The following CIAO2A variants were observed in gnomAD, a reference collection of about 807,000 sequenced individuals.
CIAO2A encodes cytosolic iron-sulfur assembly component 2A.
CIAO2A carries 17 observed loss-of-function variants against 22.4 expected under a neutral mutation model. That is an observed-to-expected ratio of 0.76 (90% CI 0.52 to 1.14). The LOEUF (loss-of-function observed/expected upper bound fraction) is 1.14. CIAO2A is among the 50% of genes most tolerant of loss of function. The pLI is 0.00. For synonymous variants in CIAO2A, 74 were observed against 72.3 expected (o/e 1.02, Z -0.12); for missense variants, 192 against 191.4 (o/e 1.00, Z -0.02).
intron 1 of CIAO2A, 111 bp downstream of exon 1, chr15:64,093,532 AAC>A: frequency 3.1e-6 from 4 of 1,270,726 alleles, no homozygotes; most frequent in African/African-American, 3.0e-5. Context: ...CAAACAAACA[AAC>A]AAAAAAAAAG....
rs754609426 is a variant in CIAO2A at position 64,088,787 on chromosome 15, C to A, written c.189G>T (p.Ser63=). 5.0e-6 allele frequency: 8 copies of A among 1,614,034 alleles called. No homozygotes were observed. Among genetic ancestry groups the A allele is most frequent in the Non-Finnish European group, 5.1e-6 (6 of 1,179,980 alleles). Residue 63 remains serine, a synonymous_variant, in exon 2 of 5, where the codon TCG becomes TCT. Coordinates refer to ENST00000300030, the MANE Select transcript of CIAO2A (RefSeq NM_032231.7). The part of the protein sequence containing the change: ...PNTLEELEVV[S]ESCVEVQEIN... ...TCTCCTGAACTTCCACACAACTTTC[C>A]GAGACCACTTCCAGTTCTTCTAAAG...
chr15:64,090,800 A>C (rs2080834587), intron 1 of CIAO2A, among the ~76,000 whole-genome samples: 1 of 152,228 alleles, frequency 6.6e-6, no homozygotes, highest in African/African-American at 2.4e-5. Flanking sequence ...ATGACTTTAT[A>C]AGGAAGCTAG....
At chr15:64,090,624 A>C (rs1238695337) in intron 1 of CIAO2A, among the ~76,000 whole-genome samples, 1 of 152,242 alleles carries the variant, frequency 6.6e-6, no homozygotes, top group African/African-American at 2.4e-5. Flanking sequence ...ATTCAGGCTC[A>C]TGAGAGCTAA....
chr15:64,077,450 G>A (rs1388942552), intron 3 of CIAO2A, among the ~76,000 whole-genome samples: 1 of 152,148 alleles, frequency 6.6e-6, no homozygotes, highest in Admixed American at 6.5e-5. Flanking sequence ...GTGATAAAGG[G>A]GAAAAGGCAG....
chr15:64,075,230 C>A lies in CIAO2A; in HGVS notation c.385+262G>T, dbSNP rs114644556. ...ACTTAGAGCTCATAAGTCAAGGTCC[C>A]CAGCACTGGATATTCTTTACAGATG... is the stretch of plus-strand genomic sequence containing the variant. On this transcript the variant is annotated intron_variant, in intron 4 of 4. Transcript: ENST00000300030. The A allele has an allele frequency of 4.3e-3, 1,285 of 298,934 alleles. 18 individuals are homozygous for A. Among genetic ancestry groups the A allele is most frequent in the African/African-American group, 0.027 (1,212 of 45,348 alleles). 18.5% of individuals were successfully genotyped at this position (298,934 alleles called of 1,614,324 possible). A position where few individuals can be genotyped will look rare whatever the true frequency, so the allele number is the denominator to read the frequency against.
At chr15:64,082,803 C>T (rs1280190706) in intron 2 of CIAO2A, among the ~76,000 whole-genome samples, 1 of 152,168 alleles carries the variant, frequency 6.6e-6, no homozygotes, top group Non-Finnish European at 1.5e-5. Context: ...TACAGCATAA[C>T]TGAGATACTT....
chr15:64,091,295 G>A lies in CIAO2A; in HGVS notation c.124+2350C>T, dbSNP rs1366709368. On this transcript the variant is annotated intron_variant, in intron 1 of 4. Coordinates refer to ENST00000300030, the MANE Select transcript of CIAO2A (RefSeq NM_032231.7). ...AGTTCAGGAGTTCAAGACCAGCCTG[G>A]CCAACATGGCAAAAACCCGTCTCTA... Among the ~76,000 whole-genome samples the A allele has an allele frequency of 2.0e-5, 3 of 152,044 alleles. No individual in the cohort carries two copies. The South Asian group carries it at 6.2e-4, about 32-fold the overall frequency.
At position 64,072,877 on chromosome 15, in the gene CIAO2A, G is replaced by T. The variant is rs182853469; in HGVS notation, c.*54C>A. On this transcript the variant is annotated 3_prime_UTR_variant, in exon 5 of 5. Coordinates refer to ENST00000300030, the MANE Select transcript of CIAO2A (RefSeq NM_032231.7). ...ACATGAGTCTCTGACATTATACAAA[G>T]AGTTTAAACAAATATATCAAACAAT... 21 of 1,170,822 alleles carry T rather than the reference G, an allele frequency of 1.8e-5. No individual in the cohort carries two copies. The Admixed American group carries it at 3.3e-4, about 18-fold the overall frequency. 72.5% of individuals were successfully genotyped at this position (1,170,822 alleles called of 1,614,324 possible).
intron 1 of CIAO2A, among the ~76,000 whole-genome samples, chr15:64,092,063 CAAAAAAA>C (rs35475525): frequency 2.1e-3 from 131 of 63,726 alleles, no homozygotes; most frequent in African/African-American, 6.6e-3. Context: ...GACCCTGTCT[CAAAAAAA>C]AAAAAAAAAA....
chr15:64,081,535 C>CT lies in CIAO2A; in HGVS notation c.290-385dup, dbSNP rs1216160284. Among the ~76,000 whole-genome samples the CT allele has an allele frequency of 9.9e-3, 365 of 37,032 alleles. 2 individuals carry two copies. The highest frequency in any genetic ancestry group is 0.016 in the African/African-American group (214 of 13,176). 24.3% of individuals were successfully genotyped at this position (37,032 alleles called of 152,430 possible). On this transcript the variant is annotated intron_variant, in intron 2 of 4. Transcript: ENST00000300030. Reference sequence around the variant, plus strand: ...GCAAAAGTCAATTAACTCATTAAGCCTTTTTTTTTTTTTTTTTTTTGAGAC... The same window carrying CT: ...GCAAAAGTCAATTAACTCATTAAGCCTTTTTTTTTTTTTTTTTTTTTGAGAC...
chr15:64,089,974 G>A (rs1025688162), intron 1 of CIAO2A, among the ~76,000 whole-genome samples: 1 of 152,174 alleles, frequency 6.6e-6, no homozygotes, highest in Non-Finnish European at 1.5e-5. Flanking sequence ...AAGCTAGAGT[G>A]GTTGTCAAAC....
chr15:64,089,995 C>T (rs2080827315), intron 1 of CIAO2A, among the ~76,000 whole-genome samples: 2 of 152,222 alleles, frequency 1.3e-5, no homozygotes, highest in South Asian at 4.1e-4. Flanking sequence ...CCACAGGATT[C>T]ACAAAGAATA....
chr15:64,081,967 C>A (rs769616167), intron 2 of CIAO2A, among the ~76,000 whole-genome samples: 13 of 152,168 alleles, frequency 8.5e-5, no homozygotes, highest in Non-Finnish European at 1.5e-4. Flanking sequence ...CTGCAAGGTA[C>A]AAATACAGTA....
chr15:64,092,262 CATCT>C (rs2080846182), intron 1 of CIAO2A, among the ~76,000 whole-genome samples: 2 of 152,034 alleles, frequency 1.3e-5, no homozygotes, highest in Non-Finnish European at 2.9e-5. Context: ...CCTATAGCCC[CATCT>C]ATCTGTCATT....
intron 1 of CIAO2A, 53 bp downstream of exon 1, chr15:64,093,592 A>G: frequency 6.4e-7 from 1 of 1,567,000 alleles, no homozygotes; most frequent in Non-Finnish European, 8.7e-7. Context: ...CGCACCCCTC[A>G]GCTCCGGCCT....
intron 3 of CIAO2A, among the ~76,000 whole-genome samples, chr15:64,078,259 G>A (rs1004821939): frequency 1.1e-4 from 17 of 152,112 alleles, no homozygotes; most frequent in African/African-American, 2.9e-4. Flanking sequence ...AATTTAAGAC[G>A]TATTTATTGA....
intron 1 of CIAO2A, among the ~76,000 whole-genome samples, chr15:64,091,899 A>G (rs1435242282): frequency 6.6e-6 from 1 of 151,946 alleles, no homozygotes; most frequent in Non-Finnish European, 1.5e-5. Context: ...TCTCTACAAA[A>G]AAATACAAAA....
At chr15:64,088,911 AT>A in intron 1 of CIAO2A, 60 bp from the exon 2 acceptor site, 1 of 1,512,270 alleles carries the variant, frequency 6.6e-7, no homozygotes. Flanking sequence ...AATAAAGATG[AT>A]TTTGCCAGGC....
rs1254915499 is a variant in CIAO2A, at chr15:64,072,893, A to G, written c.*38T>C. On this transcript the variant is annotated 3_prime_UTR_variant, in exon 5 of 5. Transcript: ENST00000300030. ...TTATACAAAGAGTTTAAACAAATAT[A>G]TCAAACAATTACAGGCCAGTGGCTC... 5 of 1,343,194 alleles carry G rather than the reference A, an allele frequency of 3.7e-6. No homozygotes were observed. Among genetic ancestry groups the G allele is most frequent in the South Asian group, 1.2e-5 (1 of 83,840 alleles). 83.2% of individuals were successfully genotyped at this position (1,343,194 alleles called of 1,614,324 possible). A position where few individuals can be genotyped will look rare whatever the true frequency, so the allele number is the denominator to read the frequency against.
Sources: allele counts gnomAD v4.1 joint callset (sites outside exome capture counted in the v4.1 genomes callset), GRCh38; gene constraint gnomAD v4.1.1; transcripts MANE v1.5; gene names NCBI Gene and HGNC (gene_info 2026-07-23, HGNC 2026-07-21).